Variants in CACNA2D3 observed in about 807,000 individuals in gnomAD.
CACNA2D3 encodes voltage-dependent calcium channel subunit alpha-2/delta-3.
A neutral mutation model predicts 160.6 loss-of-function variants in CACNA2D3; 60 were observed. The observed-to-expected ratio is 0.37, with a 90% CI of 0.30 to 0.46. The LOEUF is 0.46. Among genes scored for constraint, CACNA2D3 ranks in the 20% least tolerant of loss-of-function variants. CACNA2D3 has a pLI of 1.00. For missense variants in CACNA2D3, 1,205 were observed against 1,365.0 expected (o/e 0.88, Z 1.85); for synonymous variants, 558 against 492.9 (o/e 1.13, Z -1.75).
At chr3:54,824,704 C>A (rs944408165) in intron 14 of CACNA2D3, among the ~76,000 whole-genome samples, 1 of 152,122 alleles carries the variant, frequency 6.6e-6, no homozygotes, top group Non-Finnish European at 1.5e-5. Flanking sequence ...GGTACAGACA[C>A]GTCCCTTATG....
chr3:54,999,217 A>G (rs1251516055), intron 31 of CACNA2D3, among the ~76,000 whole-genome samples: 1 of 152,180 alleles, frequency 6.6e-6, no homozygotes, highest in Non-Finnish European at 1.5e-5. Context: ...CGAGCAGGAG[A>G]GAAGGGAGAG....
chr3:55,073,334 AATTTGCTTTACAAAATATGGT>A (rs11271063), intron 35 of CACNA2D3, 90 bp from the exon 36 acceptor site: 69,494 of 737,672 alleles, frequency 0.094, 2,951 homozygotes, highest in African/African-American at 0.14. Flanking sequence ...TAGTCTCCAA[AATTTGCTTTACAAAATATGGT>A]AGTTGCTACC....
At chr3:54,150,578 C>G (rs1700129259) in intron 2 of CACNA2D3, among the ~76,000 whole-genome samples, 1 of 152,148 alleles carries the variant, frequency 6.6e-6, no homozygotes, top group Non-Finnish European at 1.5e-5. Flanking sequence ...TAACTTGGGA[C>G]ATGGTAAATC....
intron 35 of CACNA2D3, among the ~76,000 whole-genome samples, chr3:55,070,830 T>G (rs894339884): frequency 7.2e-5 from 11 of 152,240 alleles, no homozygotes; most frequent in African/African-American, 2.2e-4. Context: ...TTATATCTTT[T>G]TGGTATTCAT....
chr3:55,001,505 G>A (rs189798787), intron 31 of CACNA2D3, among the ~76,000 whole-genome samples: 16 of 152,318 alleles, frequency 1.1e-4, no homozygotes, highest in African/African-American at 3.4e-4. Flanking sequence ...CTATAAGGTA[G>A]TCATTATTCT....
chr3:54,472,148 A>G (rs1346826500), intron 4 of CACNA2D3, among the ~76,000 whole-genome samples: 3 of 152,232 alleles, frequency 2.0e-5, no homozygotes, highest in Admixed American at 1.3e-4. Context: ...AAAATCCTCA[A>G]TAAAATACTG....
intron 2 of CACNA2D3, among the ~76,000 whole-genome samples, chr3:54,236,953 G>A (rs934515111): frequency 9.2e-5 from 14 of 151,712 alleles, no homozygotes; most frequent in African/African-American, 3.4e-4. Flanking sequence ...CAGCACAGTA[G>A]TTGGTACTCA....
chr3:54,648,471 C>T (rs927143005), intron 11 of CACNA2D3, among the ~76,000 whole-genome samples: 1 of 152,202 alleles, frequency 6.6e-6, no homozygotes, highest in African/African-American at 2.4e-5. Flanking sequence ...CTAAAGGAAC[C>T]TTTTAAAAAT....
chr3:54,217,726 A>G (rs1701486511), intron 2 of CACNA2D3, among the ~76,000 whole-genome samples: 1 of 152,170 alleles, frequency 6.6e-6, no homozygotes, highest in Non-Finnish European at 1.5e-5. Context: ...TTTGGAAGGA[A>G]CATGGCCCTG....
rs756005127 is a variant in CACNA2D3 at position 54,896,879 on chromosome 3, C to T, written c.2368+9C>T. 2.4e-5 allele frequency: 39 copies of T among 1,613,778 alleles called. No individual in the cohort carries two copies. Among genetic ancestry groups the T allele is most frequent in the Non-Finnish European group, 3.3e-5 (39 of 1,179,864 alleles). On this transcript the variant is annotated intron_variant, in intron 26 of 37. Coordinates refer to ENST00000474759, the MANE Select transcript of CACNA2D3 (RefSeq NM_018398.3). ...GATCCCATTCAGCACTGGTGGGTGC[C>T]CTTGTTGGAGGCGGGCTCTGTCTGT... is the stretch of plus-strand genomic sequence containing the variant.
intron 34 of CACNA2D3, among the ~76,000 whole-genome samples, chr3:55,013,682 A>G (rs1047271667): frequency 6.6e-6 from 1 of 152,120 alleles, no homozygotes; most frequent in Non-Finnish European, 1.5e-5. Context: ...AATGAAGGGG[A>G]CTGTGGAAGC....
At chr3:54,503,858 C>G (rs979068459) in intron 5 of CACNA2D3, among the ~76,000 whole-genome samples, 4 of 152,140 alleles carry the variant, frequency 2.6e-5, no homozygotes, top group African/African-American at 9.7e-5. Context: ...GTTTCTCTGG[C>G]TGGTTGTTTA....
intron 3 of CACNA2D3, among the ~76,000 whole-genome samples, chr3:54,369,654 A>C (rs1035456178): frequency 6.6e-6 from 1 of 152,040 alleles, no homozygotes; most frequent in African/African-American, 2.4e-5. Context: ...TCCATTCCCC[A>C]AGGGCGTGTC....
chr3:54,482,443 T>A (rs1700948826), intron 4 of CACNA2D3, among the ~76,000 whole-genome samples: 1 of 152,204 alleles, frequency 6.6e-6, no homozygotes, highest in South Asian at 2.1e-4. Context: ...CCTTCATTAC[T>A]AGCAAGCAGG....
rs192606087 is a variant in CACNA2D3, at chr3:54,543,998, T to C, written c.545-18802T>C. Among the ~76,000 whole-genome samples the C allele has an allele frequency of 3.4e-3, 518 of 152,314 alleles. 5 individuals carry two copies. The highest frequency in any genetic ancestry group is 3.4e-3 in the Middle Eastern group (1 of 294). ...TTTTTTTGTTCCCCTTGTTGTACTG[T>C]GTAGTTAGCTGCTTTCAAAACAAAA... is the stretch of plus-strand genomic sequence containing the variant. On this transcript the variant is annotated intron_variant, in intron 5 of 37. Transcript: ENST00000474759.
At chr3:54,283,700 C>G (rs143786480) in intron 2 of CACNA2D3, among the ~76,000 whole-genome samples, 1 of 152,128 alleles carries the variant, frequency 6.6e-6, no homozygotes, top group African/African-American at 2.4e-5. Context: ...TCCCTTTGTC[C>G]GCTCAAAACC....
chr3:54,587,532 G>C (rs962502904), intron 9 of CACNA2D3, among the ~76,000 whole-genome samples: 7 of 151,700 alleles, frequency 4.6e-5, no homozygotes, highest in African/African-American at 1.7e-4. Flanking sequence ...ACTCCAGCCT[G>C]GCGACAGAGC....
chr3:54,460,001 G>A (rs1700469902), intron 4 of CACNA2D3, among the ~76,000 whole-genome samples: 1 of 152,070 alleles, frequency 6.6e-6, no homozygotes, highest in African/African-American at 2.4e-5. Context: ...TGGCTAGCCA[G>A]TTTTCCCAGC....
intron 27 of CACNA2D3, among the ~76,000 whole-genome samples, chr3:54,923,677 T>A (rs1158593328): frequency 6.6e-6 from 1 of 152,216 alleles, no homozygotes; most frequent in Non-Finnish European, 1.5e-5. Context: ...GAATGAATCA[T>A]GCTGAGAGCT....
Sources: gnomAD v4.1 joint callset for allele counts (sites outside exome capture counted in the v4.1 genomes callset) on GRCh38, gnomAD v4.1.1 for gene constraint, MANE v1.5 for transcripts, NCBI Gene and HGNC (gene_info 2026-07-23, HGNC 2026-07-21) for gene names.